The following PSME3 variants were observed in gnomAD, a reference collection of about 807,000 sequenced individuals.
PSME3 encodes the protein proteasome activator subunit 3.
In PSME3, 7 loss-of-function variants were observed where a neutral mutation model predicts 38.3. The observed-to-expected ratio is 0.18, with a 90% confidence interval of 0.10 to 0.34. The LOEUF (loss-of-function observed/expected upper bound fraction) is 0.34. Ranked by LOEUF, PSME3 falls within the 10% of genes least tolerant of loss-of-function variation. The probability of loss-of-function intolerance (pLI) is 1.00; values close to 1 mark genes in which losing one functional copy is unlikely to be tolerated. For synonymous variants in PSME3, 108 were observed against 105.7 expected, an observed-to-expected ratio of 1.02 and a Z score of -0.13; for missense variants, 192 against 307.6, an observed-to-expected ratio of 0.62 and a Z score of 2.81.
Position 42,841,674 on chromosome 17 carries a change from A to C in PSME3, c.*96A>C, listed in dbSNP as rs2055535966. ...CTATCGTGATGGGGAAACTGGCTGG[A>C]AATAGTAATCACACCTCTCTGTTTT... On this transcript the variant is annotated 3_prime_UTR_variant, in exon 11 of 11. Coordinates refer to ENST00000590720, the MANE Select transcript of PSME3 (RefSeq NM_005789.4). 1 of 767,710 alleles carries C rather than the reference A, an allele frequency of 1.3e-6. No individual in the cohort carries two copies. Among genetic ancestry groups the C allele is most frequent in the African/African-American group, 1.8e-5 (1 of 56,142 alleles). The allele number at this position is 767,710 out of a possible 1,614,324, so 47.6% of individuals were successfully genotyped here.
chr17:42,833,748 G>A (rs1207113200), intron 1 of PSME3, 75 bp downstream of exon 1: 11 of 1,613,282 alleles, frequency 6.8e-6, no homozygotes, highest in Non-Finnish European at 8.5e-6. Context: ...TACTCCCCAT[G>A]GCGTCTTTGT....
intron 10 of PSME3, among the ~76,000 whole-genome samples, chr17:42,840,057 ACT>A (rs2055512519): frequency 6.6e-6 from 1 of 150,654 alleles, no homozygotes; most frequent in African/African-American, 2.4e-5. Context: ...TGGGTGGATC[ACT>A]TGAGGTCAGG....
intron 4 of PSME3, 124 bp from the exon 5 acceptor site, chr17:42,837,525 T>G: frequency 9.4e-7 from 1 of 1,067,526 alleles, no homozygotes; most frequent in Non-Finnish European, 1.4e-6. Flanking sequence ...ACTTAGGAAA[T>G]TGTGCAGAAA....
At chr17:42,834,670 A>T in intron 3 of PSME3, 93 bp downstream of exon 3, 1 of 1,598,548 alleles carries the variant, frequency 6.3e-7, no homozygotes, top group Non-Finnish European at 8.5e-7. Flanking sequence ...TCTTCTTTTT[A>T]TTTTTTTAAA....
chr17:42,838,003 A>G, intron 5 of PSME3, 90 bp from the exon 6 acceptor site: 1 of 1,357,088 alleles, frequency 7.4e-7, no homozygotes, highest in Non-Finnish European at 1.0e-6. Flanking sequence ...AGGTCATAGC[A>G]TCTGATAGGT....
chr17:42,833,425 G>T lies in PSME3; in HGVS notation c.-207G>T. On this transcript the variant is annotated 5_prime_UTR_variant, in exon 1 of 11. Transcript: ENST00000590720. ...GTTTCCGGCGTGAGCGGCGAAAGCCGGGAGGGCGAGCGAGAGAGCAAGCAG... is the reference window on the plus strand; with the variant it reads ...GTTTCCGGCGTGAGCGGCGAAAGCCTGGAGGGCGAGCGAGAGAGCAAGCAG... The T allele has an allele frequency of 1.6e-6, 1 of 615,322 alleles. No individual in the cohort carries two copies. The highest frequency in any genetic ancestry group is 2.9e-6 in the Non-Finnish European group (1 of 349,718). 38.1% of individuals were successfully genotyped at this position (615,322 alleles called of 1,614,324 possible).
In PSME3 at chr17:42,834,115, A is replaced by T. The variant is rs766401420; in HGVS notation, c.43-229A>T. On this transcript the variant is annotated intron_variant, in intron 1 of 10. Transcript: ENST00000590720. Reference sequence around the variant, plus strand: ...TCAGACAGCTTCAGACACAGGAGGAAGGGAGGGAAGGGGGAGGACAGAGGA... The same window carrying T: ...TCAGACAGCTTCAGACACAGGAGGATGGGAGGGAAGGGGGAGGACAGAGGA... 15 of 1,455,838 alleles carry T rather than the reference A, an allele frequency of 1.0e-5. No homozygotes were observed. The South Asian group carries it at 2.0e-4, about 20-fold the overall frequency. 90.2% of individuals were successfully genotyped at this position (1,455,838 alleles called of 1,614,324 possible). A position where few individuals can be genotyped will look rare whatever the true frequency, so the allele number is the denominator to read the frequency against.
intron 6 of PSME3, 62 bp from the exon 7 acceptor site, chr17:42,838,669 A>C: frequency 6.8e-7 from 1 of 1,478,350 alleles, no homozygotes; most frequent in Admixed American, 1.7e-5. Flanking sequence ...CAGCCGTCTG[A>C]ATTGTGTACT....
At position 42,840,468 on chromosome 17, in the gene PSME3, A is replaced by G. The variant is rs534801702; in HGVS notation, c.685-1030A>G. Among the ~76,000 whole-genome samples, 5 of 150,604 alleles carry G rather than the reference A, an allele frequency of 3.3e-5. 1 individual carries two copies. The highest frequency in any genetic ancestry group is 2.1e-4 in the South Asian group (1 of 4,744). On this transcript the variant is annotated intron_variant, in intron 10 of 10. Coordinates refer to ENST00000590720, the MANE Select transcript of PSME3 (RefSeq NM_005789.4). ...TGAAAATACAAAAAATTAGCTGGGC[A>G]TGGTTGGCGGACCCCTGTAATCCCA...
At chr17:42,837,408 C>T (rs1185098866) in intron 4 of PSME3, among the ~76,000 whole-genome samples, 1 of 151,546 alleles carries the variant, frequency 6.6e-6, no homozygotes, top group Non-Finnish European at 1.5e-5. Flanking sequence ...TGGTCTCAAA[C>T]TTCTGATCTC....
At chr17:42,839,195 G>A (rs761219791) in intron 9 of PSME3, 29 bp downstream of exon 9, 53 of 1,564,908 alleles carry the variant, frequency 3.4e-5, no homozygotes, top group South Asian at 3.2e-4. Flanking sequence ...GCCTGAGGGT[G>A]GAGGTGGCAG....
intron 4 of PSME3, among the ~76,000 whole-genome samples, chr17:42,837,292 A>G (rs1336104567): frequency 6.6e-6 from 1 of 151,818 alleles, no homozygotes. Context: ...CTTGTGATCC[A>G]CCTACCTTGG....
At chr17:42,834,414 A>G (rs1355642114) in intron 2 of PSME3, 38 bp downstream of exon 2, 4 of 1,611,240 alleles carry the variant, frequency 2.5e-6, no homozygotes, top group Admixed American at 3.3e-5. Context: ...GTTGGTTGAG[A>G]ATTTCCCAAA....
In PSME3 at chr17:42,843,292, C is replaced by G. The variant is rs1265691439; in HGVS notation, c.*1714C>G. ...TGGTGGCTAGGGATGTACTCATGCT[C>G]ATATGTGTGCACGCTTGGACACCCA... On this transcript the variant is annotated 3_prime_UTR_variant, in exon 11 of 11. Transcript: ENST00000590720. The G allele has an allele frequency of 6.5e-6, 1 of 152,748 alleles. No individual in the cohort carries two copies. The highest frequency in any genetic ancestry group is 1.5e-5 in the Non-Finnish European group (1 of 68,044). 9.5% of individuals were successfully genotyped at this position (152,748 alleles called of 1,614,324 possible).
At chr17:42,838,315 GT>G (rs921550342) in intron 6 of PSME3, 110 bp downstream of exon 6, 455 of 1,330,090 alleles carry the variant, frequency 3.4e-4, no homozygotes, top group Admixed American at 7.2e-4. Context: ...GTTTTTTTGA[GT>G]TTTTTTTTTG....
chr17:42,837,629 C>T lies in PSME3; in HGVS notation c.244-20C>T, dbSNP rs764672324. On this transcript the variant is annotated intron_variant, in intron 4 of 10. Transcript: ENST00000590720. ...GTGGGTGTCAAAACTAGGCTCATCC[C>T]TGCCTCTTTGTATCCTTAGCCCACT... 2 of 1,613,844 alleles carry T rather than the reference C, an allele frequency of 1.2e-6. No homozygotes were observed. Among genetic ancestry groups the T allele is most frequent in the South Asian group, 2.2e-5 (2 of 91,074 alleles).
At chr17:42,834,954 A>G (rs2055444245) in intron 4 of PSME3, 78 bp downstream of exon 4, 1 of 1,576,764 alleles carries the variant, frequency 6.3e-7, no homozygotes, top group Non-Finnish European at 8.6e-7. Flanking sequence ...TTTAAGATGT[A>G]CAGAGGGAAC....
intron 4 of PSME3, among the ~76,000 whole-genome samples, chr17:42,835,998 A>G (rs1414485661): frequency 7.0e-6 from 1 of 142,768 alleles, no homozygotes; most frequent in Non-Finnish European, 1.5e-5. Flanking sequence ...GGCAGGAACT[A>G]TCTTTTTTTT....
intron 2 of PSME3, 22 bp downstream of exon 2, chr17:42,834,398 A>C: frequency 6.2e-7 from 1 of 1,613,494 alleles, no homozygotes; most frequent in Non-Finnish European, 8.5e-7. Flanking sequence ...AAATAGAAAA[A>C]TGGTTGTTGG....
Sources: gnomAD v4.1 joint callset for allele counts (sites outside exome capture counted in the v4.1 genomes callset) on GRCh38, gnomAD v4.1.1 for gene constraint, MANE v1.5 for transcripts, NCBI Gene and HGNC (gene_info 2026-07-23, HGNC 2026-07-21) for gene names.